ZRANB3: variants seen among roughly 807,000 people sequenced by gnomAD.
ZRANB3 encodes the protein DNA annealing helicase and endonuclease ZRANB3.
Under a neutral mutation model 133.8 loss-of-function variants are expected in ZRANB3, and 125 were observed. The ratio of observed to expected loss-of-function variants is 0.93; its 90% CI spans 0.81 to 1.08. The LOEUF (loss-of-function observed/expected upper bound fraction) is 1.08. Ranked by LOEUF, ZRANB3 falls within the 50% of genes least tolerant of loss-of-function variation. The probability of loss-of-function intolerance (pLI) is 0.00; values close to 1 mark genes in which losing one functional copy is unlikely to be tolerated. For missense variants in ZRANB3, 1,229 were observed against 1,275.5 expected, an observed-to-expected ratio of 0.96 and a Z score of 0.56; for synonymous variants, 387 against 432.7, an observed-to-expected ratio of 0.89 and a Z score of 1.31.
intron 2 of ZRANB3, among the ~76,000 whole-genome samples, chr2:135,499,499 C>T (rs1423118311): frequency 6.6e-6 from 1 of 151,624 alleles, no homozygotes; most frequent in African/African-American, 2.4e-5. Context: ...TCCTACAAAA[C>T]AATAAGAAAA....
At chr2:135,356,917 C>G (rs1477736777) in intron 3 of ZRANB3, among the ~76,000 whole-genome samples, 1 of 152,068 alleles carries the variant, frequency 6.6e-6, no homozygotes, top group Non-Finnish European at 1.5e-5. Flanking sequence ...CTCCTGAGCT[C>G]AAGCGATCCA....
chr2:135,292,093 T>A (rs540430046), intron 8 of ZRANB3, among the ~76,000 whole-genome samples: 1 of 152,336 alleles, frequency 6.6e-6, no homozygotes, highest in East Asian at 1.9e-4. Flanking sequence ...TGTTTGATAA[T>A]CCTTTGGGTA....
At chr2:135,398,205 A>G (rs1687585647) in intron 2 of ZRANB3, among the ~76,000 whole-genome samples, 1 of 151,792 alleles carries the variant, frequency 6.6e-6, no homozygotes, top group South Asian at 2.1e-4. Context: ...AGCTGGGACT[A>G]TAGGTGCCCG....
chr2:135,429,464 C>T (rs1366989497), intron 2 of ZRANB3, among the ~76,000 whole-genome samples: 1 of 152,016 alleles, frequency 6.6e-6, no homozygotes, highest in Non-Finnish European at 1.5e-5. Context: ...CTCCATACCC[C>T]CATGGCACAC....
chr2:135,515,579 T>C (rs913267354), intron 1 of ZRANB3, among the ~76,000 whole-genome samples: 1 of 152,194 alleles, frequency 6.6e-6, no homozygotes, highest in Non-Finnish European at 1.5e-5. Flanking sequence ...TCAGTTTCCA[T>C]GTAGTTGTGC....
intron 2 of ZRANB3, among the ~76,000 whole-genome samples, chr2:135,436,269 G>C (rs12052668): frequency 0.1 from 15,864 of 152,144 alleles, 1,093 homozygotes; most frequent in South Asian, 0.32. Flanking sequence ...ATTTTTGTCA[G>C]ATAGTCATAG....
rs113792195 is a variant in ZRANB3 at position 135,340,008 on chromosome 2, G to A, written c.677+5542C>T. 3.0e-3 allele frequency among the ~76,000 whole-genome samples: 452 copies of A among 149,392 alleles called. 3 individuals are homozygous for A. Among genetic ancestry groups the A allele is most frequent in the African/African-American group, 0.01 (422 of 40,578 alleles). Reference sequence around the variant, plus strand: ...CAAAGTTATAAAAGAATTCCTCTATGTTTTATTTAGGGTTTTATTTAATAA... The same window carrying A: ...CAAAGTTATAAAAGAATTCCTCTATATTTTATTTAGGGTTTTATTTAATAA... On this transcript the variant is annotated intron_variant, in intron 6 of 20. Coordinates refer to ENST00000264159, the MANE Select transcript of ZRANB3 (RefSeq NM_032143.4).
chr2:135,378,151 C>T (rs1686510499), intron 3 of ZRANB3, among the ~76,000 whole-genome samples: 2 of 152,104 alleles, frequency 1.3e-5, no homozygotes, highest in Admixed American at 1.3e-4. Context: ...ATGTATCTAT[C>T]CTATTAGTTC....
intron 10 of ZRANB3, among the ~76,000 whole-genome samples, chr2:135,271,126 T>C (rs1680490677): frequency 6.6e-6 from 1 of 152,228 alleles, no homozygotes; most frequent in Non-Finnish European, 1.5e-5. Context: ...AAGATGGAGC[T>C]CTAGCAGCCC....
At chr2:135,206,080 A>G (rs1034001070) in intron 19 of ZRANB3, among the ~76,000 whole-genome samples, 1 of 152,236 alleles carries the variant, frequency 6.6e-6, no homozygotes, top group South Asian at 2.1e-4. Flanking sequence ...AGACAAATCC[A>G]GAATGGCAAA....
chr2:135,386,556 G>C (rs1043147380), intron 3 of ZRANB3, among the ~76,000 whole-genome samples: 1 of 152,076 alleles, frequency 6.6e-6, no homozygotes, highest in Admixed American at 6.5e-5. Context: ...TGTTTACTGG[G>C]GCACTATTCA....
chr2:135,406,924 C>T (rs1446742763), intron 2 of ZRANB3, among the ~76,000 whole-genome samples: 2 of 152,136 alleles, frequency 1.3e-5, no homozygotes, highest in African/African-American at 4.8e-5. Flanking sequence ...GACAGGGATG[C>T]CCTCTCTCAC....
At chr2:135,202,802 C>A (rs759415274) in intron 20 of ZRANB3, 30 bp downstream of exon 20, 1 of 1,578,414 alleles carries the variant, frequency 6.3e-7, no homozygotes, top group Admixed American at 1.8e-5. Context: ...TCTCAGGATG[C>A]AGTCAAAGCT....
intron 2 of ZRANB3, among the ~76,000 whole-genome samples, chr2:135,410,413 T>C (rs1688252888): frequency 6.6e-6 from 1 of 152,156 alleles, no homozygotes; most frequent in Non-Finnish European, 1.5e-5. Context: ...TAAATGGTAC[T>C]GGGATAACTG....
At chr2:135,471,489 T>A (rs890814052) in intron 2 of ZRANB3, among the ~76,000 whole-genome samples, 8 of 152,194 alleles carry the variant, frequency 5.3e-5, no homozygotes, top group Non-Finnish European at 8.8e-5. Flanking sequence ...ATTCACTGTG[T>A]TTCAGAGTTT....
chr2:135,289,582 T>C (rs1558889784), intron 8 of ZRANB3, among the ~76,000 whole-genome samples: 1 of 152,168 alleles, frequency 6.6e-6, no homozygotes, highest in Non-Finnish European at 1.5e-5. Flanking sequence ...TTCATTCCAC[T>C]GTGGTCTGAG....
chr2:135,410,129 A>C (rs1219308873), intron 2 of ZRANB3, among the ~76,000 whole-genome samples: 1 of 152,176 alleles, frequency 6.6e-6, no homozygotes, highest in Non-Finnish European at 1.5e-5. Flanking sequence ...AGGACTAGAG[A>C]AAAGTATTTT....
chr2:135,455,027 A>T (rs1690437298), intron 2 of ZRANB3, among the ~76,000 whole-genome samples: 1 of 152,168 alleles, frequency 6.6e-6, no homozygotes, highest in Admixed American at 6.5e-5. Flanking sequence ...ACCAGAAACC[A>T]CAGAACAATT....
chr2:135,406,403 G>A (rs1177700666), intron 2 of ZRANB3, among the ~76,000 whole-genome samples: 1 of 152,180 alleles, frequency 6.6e-6, no homozygotes, highest in Non-Finnish European at 1.5e-5. Context: ...ACAACGAGGA[G>A]CTGGTACCAT....
Sources: allele counts gnomAD v4.1 joint callset (sites outside exome capture counted in the v4.1 genomes callset), GRCh38; gene constraint gnomAD v4.1.1; transcripts MANE v1.5; gene names NCBI Gene and HGNC (gene_info 2026-07-23, HGNC 2026-07-21).